The following FRMD4A variants were observed in gnomAD, a reference collection of about 807,000 sequenced individuals.
FRMD4A encodes the protein FERM domain containing 4A.
A neutral mutation model predicts 129.1 loss-of-function variants in FRMD4A; 29 were observed. The observed-to-expected ratio is 0.22, with a 90% CI of 0.17 to 0.31. The LOEUF (loss-of-function observed/expected upper bound fraction) is 0.31, where lower values mean the gene tolerates loss of function less well. Ranked by LOEUF, FRMD4A falls within the 10% of genes least tolerant of loss-of-function variation. FRMD4A has a pLI of 1.00. For synonymous variants in FRMD4A, 634 were observed against 571.6 expected (o/e 1.11, Z -1.56); for missense variants, 1,272 against 1,375.8 (o/e 0.92, Z 1.19).
intron 5 of FRMD4A, among the ~76,000 whole-genome samples, chr10:13,785,752 C>T (rs1045390156): frequency 2.6e-5 from 4 of 152,090 alleles, no homozygotes; most frequent in African/African-American, 9.7e-5. Flanking sequence ...GGTATGTCTC[C>T]TAATGCTATC....
intron 2 of FRMD4A, among the ~76,000 whole-genome samples, chr10:14,089,646 A>C (rs1257815057): frequency 2.0e-5 from 3 of 151,078 alleles, no homozygotes; most frequent in Non-Finnish European, 4.4e-5. Context: ...AAAACAAACA[A>C]AAAAAAAACA....
chr10:13,957,912 T>C (rs1272393188), intron 2 of FRMD4A, among the ~76,000 whole-genome samples: 1 of 152,062 alleles, frequency 6.6e-6, no homozygotes, highest in African/African-American at 2.4e-5. Flanking sequence ...CCCACACCTT[T>C]CCCTTTGCTT....
Position 13,737,886 on chromosome 10 carries a change from C to T in FRMD4A, c.717G>A (p.Gly239=), listed in dbSNP as rs1241926501. The T allele has an allele frequency of 4.4e-6, 7 of 1,608,908 alleles. No homozygotes were observed. Among genetic ancestry groups the T allele is most frequent in the Admixed American group, 1.7e-5 (1 of 59,928 alleles). Reference sequence around the variant, plus strand: ...TATCATGGTAGTCATACTGGAAGATCCCTTTGTAGCTCAGGCCCAGCCACC... The same window carrying T: ...TATCATGGTAGTCATACTGGAAGATTCCTTTGTAGCTCAGGCCCAGCCACC... ...IPWWLGLSYK[G]IFQYDYHDKV... Residue 239 remains glycine (G), a synonymous_variant, in exon 12 of 25, where the codon GGG becomes GGA. Coordinates refer to ENST00000357447, the MANE Select transcript of FRMD4A (RefSeq NM_018027.5).
chr10:14,187,797 G>C (rs1158309477), intron 2 of FRMD4A, among the ~76,000 whole-genome samples: 1 of 152,130 alleles, frequency 6.6e-6, no homozygotes, highest in Non-Finnish European at 1.5e-5. Context: ...GTTAGAAGTA[G>C]ACTTGGGAAA....
Position 14,328,034 on chromosome 10 carries a change from C to A in FRMD4A, c.45+2024G>T, listed in dbSNP as rs185548728. On this transcript the variant is annotated intron_variant, in intron 2 of 24. Transcript: ENST00000357447. Reference sequence around the variant, plus strand: ...GGGAAGCAATTACTTTGGGGTTTACCCTTAAAAAGGAAAAAAAATAGCACC... The same window carrying A: ...GGGAAGCAATTACTTTGGGGTTTACACTTAAAAAGGAAAAAAAATAGCACC... Among the ~76,000 whole-genome samples the A allele has an allele frequency of 2.6e-5, 4 of 152,142 alleles. No individual in the cohort carries two copies. The East Asian group carries it at 7.7e-4, about 29-fold the overall frequency.
intron 2 of FRMD4A, among the ~76,000 whole-genome samples, chr10:14,308,845 C>A (rs1846439678): frequency 6.6e-6 from 1 of 152,156 alleles, no homozygotes; most frequent in Non-Finnish European, 1.5e-5. Context: ...ATTGTTTTCA[C>A]ATAAGTTGAA....
At chr10:13,766,563 C>A (rs1202710076) in intron 6 of FRMD4A, among the ~76,000 whole-genome samples, 1 of 152,160 alleles carries the variant, frequency 6.6e-6, no homozygotes, top group African/African-American at 2.4e-5. Context: ...TCATAGGACT[C>A]AACACAAAGA....
At chr10:14,024,806 G>A (rs924811915) in intron 2 of FRMD4A, among the ~76,000 whole-genome samples, 3 of 152,228 alleles carry the variant, frequency 2.0e-5, no homozygotes, top group African/African-American at 7.2e-5. Context: ...AAGCAAGAGT[G>A]GGGAAAATGG....
At chr10:13,819,436 C>A (rs1474015142) in intron 3 of FRMD4A, among the ~76,000 whole-genome samples, 1 of 152,180 alleles carries the variant, frequency 6.6e-6, no homozygotes, top group Non-Finnish European at 1.5e-5. Flanking sequence ...ATCCTGCCTA[C>A]AAATGCTCTC....
chr10:14,292,878 T>C (rs886189014), intron 2 of FRMD4A, among the ~76,000 whole-genome samples: 1 of 152,164 alleles, frequency 6.6e-6, no homozygotes, highest in African/African-American at 2.4e-5. Context: ...AAAACATTAA[T>C]ACATAATCCA....
intron 2 of FRMD4A, among the ~76,000 whole-genome samples, chr10:13,992,419 C>A (rs932890555): frequency 6.6e-6 from 1 of 152,186 alleles, no homozygotes; most frequent in Non-Finnish European, 1.5e-5. Context: ...CTGACCCCAG[C>A]AAACTCCCAT....
At chr10:13,994,915 A>G (rs901573741) in intron 2 of FRMD4A, among the ~76,000 whole-genome samples, 2 of 152,130 alleles carry the variant, frequency 1.3e-5, no homozygotes, top group African/African-American at 2.4e-5. Flanking sequence ...GCTTTGACAC[A>G]TATTTGAGTT....
chr10:14,012,017 GA>G (rs112386377), intron 2 of FRMD4A, among the ~76,000 whole-genome samples: 3,024 of 107,442 alleles, frequency 0.028, 63 homozygotes, highest in African/African-American at 0.074. Flanking sequence ...TGTCTCAAAG[GA>G]AAAAAAAAAA....
intron 2 of FRMD4A, among the ~76,000 whole-genome samples, chr10:13,976,245 G>A (rs1311836295): frequency 6.6e-6 from 1 of 152,186 alleles, no homozygotes; most frequent in African/African-American, 2.4e-5. Flanking sequence ...AGAAGCTGAG[G>A]TCTTGGTCCT....
At chr10:13,858,789 G>A (rs541161351) in intron 3 of FRMD4A, 58 bp downstream of exon 3, 1 of 945,370 alleles carries the variant, frequency 1.1e-6, no homozygotes, top group Admixed American at 1.7e-5. Context: ...GCTGGATCAA[G>A]GTCTGAAACC....
rs1292473177 is a variant in FRMD4A at position 13,657,388 on chromosome 10, C to T, written c.2201G>A (p.Arg734Gln). Reference sequence around the variant, plus strand: ...GTCTGAGCCGTTGCTGCTACGAGTCCGCGGGGTGTAGAAGTCGGGGCTCCC... The same window carrying T: ...GTCTGAGCCGTTGCTGCTACGAGTCTGCGGGGTGTAGAAGTCGGGGCTCCC... ...DTGSPDFYTP[R>Q]TRSSNGSDPM... Residue 734 changes from arginine (R) to glutamine (Q), a missense_variant, in exon 22 of 25, where the codon CGG (arginine) becomes CAG (glutamine). By Grantham distance (43) the Arg-to-Gln change is conservative. Coordinates refer to ENST00000357447, the MANE Select transcript of FRMD4A (RefSeq NM_018027.5). The T allele has an allele frequency of 1.2e-6, 2 of 1,612,642 alleles. No individual in the cohort carries two copies. The highest frequency in any genetic ancestry group is 2.2e-5 in the East Asian group (1 of 44,872).
intron 2 of FRMD4A, among the ~76,000 whole-genome samples, chr10:13,905,628 A>C (rs776102085): frequency 1.6e-4 from 24 of 152,240 alleles, no homozygotes; most frequent in Non-Finnish European, 7.3e-5. Context: ...CATGCACATT[A>C]CACGCATTAT....
chr10:14,019,665 T>C (rs1832643632), intron 2 of FRMD4A, among the ~76,000 whole-genome samples: 1 of 152,192 alleles, frequency 6.6e-6, no homozygotes, highest in African/African-American at 2.4e-5. Flanking sequence ...AAATAAAAAT[T>C]AAATTATAAA....
chr10:13,943,656 A>G (rs2095310180), intron 2 of FRMD4A, among the ~76,000 whole-genome samples: 1 of 103,024 alleles, frequency 9.7e-6, no homozygotes, highest in African/African-American at 3.2e-5. Context: ...CAAAAAAAAA[A>G]AAAAAAAAAA....
Sources: allele counts gnomAD v4.1 joint callset (sites outside exome capture counted in the v4.1 genomes callset), GRCh38; gene constraint gnomAD v4.1.1; transcripts MANE v1.5; gene names NCBI Gene and HGNC (gene_info 2026-07-23, HGNC 2026-07-21).